The following SLC2A13 variants were observed in gnomAD, a reference collection of about 807,000 sequenced individuals.
SLC2A13 encodes proton myo-inositol cotransporter.
Under a neutral mutation model 64.4 loss-of-function variants are expected in SLC2A13, and 32 were observed. The observed-to-expected ratio is 0.50, with a 90% CI of 0.37 to 0.67. SLC2A13 has a LOEUF of 0.67. Ranked by LOEUF, SLC2A13 falls within the 30% of genes least tolerant of loss-of-function variation. The probability of loss-of-function intolerance (pLI) is 0.00; values close to 1 mark genes in which losing one functional copy is unlikely to be tolerated. For missense variants in SLC2A13, 743 were observed against 829.2 expected (o/e 0.90, Z 1.28); for synonymous variants, 338 against 327.1 (o/e 1.03, Z -0.36).
At chr12:39,986,356 G>A (rs531075033) in intron 3 of SLC2A13, among the ~76,000 whole-genome samples, 4 of 152,052 alleles carry the variant, frequency 2.6e-5, no homozygotes, top group South Asian at 2.1e-4. Context: ...TTTACTACAC[G>A]TTCACCCACC....
chr12:39,821,033 T>A (rs1942490905), intron 7 of SLC2A13, among the ~76,000 whole-genome samples: 1 of 152,022 alleles, frequency 6.6e-6, no homozygotes, highest in Non-Finnish European at 1.5e-5. Context: ...CTCATGACAT[T>A]TGGCAATTCC....
At chr12:40,051,516 G>A (rs1948253926) in intron 1 of SLC2A13, among the ~76,000 whole-genome samples, 1 of 152,156 alleles carries the variant, frequency 6.6e-6, no homozygotes, top group Non-Finnish European at 1.5e-5. Flanking sequence ...TCTGCTAGTC[G>A]AGTGGGATGG....
At chr12:40,060,837 G>A (rs952776094) in intron 1 of SLC2A13, among the ~76,000 whole-genome samples, 4 of 152,108 alleles carry the variant, frequency 2.6e-5, no homozygotes, top group Non-Finnish European at 5.9e-5. Context: ...CATAGAAAAT[G>A]ATAAAGATGT....
chr12:40,090,871 C>G (rs1938744483), intron 1 of SLC2A13, among the ~76,000 whole-genome samples: 2 of 152,096 alleles, frequency 1.3e-5, no homozygotes, highest in Non-Finnish European at 2.9e-5. Flanking sequence ...AAGTAAAAAA[C>G]TCACTGCCTC....
chr12:40,041,487 T>C (rs1948089360), intron 2 of SLC2A13, among the ~76,000 whole-genome samples: 1 of 152,232 alleles, frequency 6.6e-6, no homozygotes, highest in African/African-American at 2.4e-5. Flanking sequence ...TCATTCATCT[T>C]GGGAGCTCCC....
chr12:39,886,458 A>C (rs1281717416), intron 4 of SLC2A13, among the ~76,000 whole-genome samples: 2 of 152,200 alleles, frequency 1.3e-5, no homozygotes, highest in Non-Finnish European at 2.9e-5. Flanking sequence ...GATCTGAAGA[A>C]GAAATGCAAT....
At chr12:39,938,131 A>C (rs1945948054) in intron 4 of SLC2A13, among the ~76,000 whole-genome samples, 1 of 152,180 alleles carries the variant, frequency 6.6e-6, no homozygotes, top group African/African-American at 2.4e-5. Flanking sequence ...AAACTGCAGT[A>C]CACAGGGAGC....
chr12:39,999,641 C>T (rs147562113), intron 3 of SLC2A13, among the ~76,000 whole-genome samples: 15 of 152,340 alleles, frequency 9.8e-5, no homozygotes, highest in Admixed American at 2.6e-4. Context: ...ACGTGCACCG[C>T]TGAACATAGA....
intron 4 of SLC2A13, among the ~76,000 whole-genome samples, chr12:39,888,139 G>T (rs1197155813): frequency 6.6e-6 from 1 of 152,210 alleles, no homozygotes; most frequent in African/African-American, 2.4e-5. Context: ...TGGGCAGGCT[G>T]CTTCAAATGC....
At chr12:40,050,603 T>C (rs933021320) in intron 1 of SLC2A13, among the ~76,000 whole-genome samples, 2 of 152,222 alleles carry the variant, frequency 1.3e-5, no homozygotes, top group South Asian at 2.1e-4. Context: ...AATAATCTTA[T>C]TTAATCCTCA....
intron 1 of SLC2A13, among the ~76,000 whole-genome samples, chr12:40,054,622 T>C (rs866198130): frequency 1.3e-5 from 2 of 152,204 alleles, no homozygotes; most frequent in African/African-American, 2.4e-5. Context: ...ACCAGAAAAC[T>C]GCATCTCAGA....
chr12:39,881,537 A>T (rs1430824986), intron 4 of SLC2A13, among the ~76,000 whole-genome samples: 1 of 152,168 alleles, frequency 6.6e-6, no homozygotes, highest in Non-Finnish European at 1.5e-5. Flanking sequence ...AACAAGAAGG[A>T]GTCTAAGATT....
chr12:39,901,114 G>A (rs1313534797), intron 4 of SLC2A13, among the ~76,000 whole-genome samples: 2 of 152,176 alleles, frequency 1.3e-5, no homozygotes, highest in African/African-American at 4.8e-5. Flanking sequence ...AATAAATGGT[G>A]TGGGGAAAAC....
At chr12:39,765,694 C>T (rs901015151) in intron 7 of SLC2A13, among the ~76,000 whole-genome samples, 2 of 152,052 alleles carry the variant, frequency 1.3e-5, no homozygotes, top group Admixed American at 1.3e-4. Flanking sequence ...CTGCCACATT[C>T]ATTTATTTTT....
intron 7 of SLC2A13, among the ~76,000 whole-genome samples, chr12:39,816,696 A>G (rs1173647219): frequency 6.6e-6 from 1 of 152,006 alleles, no homozygotes; most frequent in Non-Finnish European, 1.5e-5. Context: ...TAAAAATAAA[A>G]CACTAGGATG....
At chr12:39,984,444 T>C (rs922789336) in intron 3 of SLC2A13, among the ~76,000 whole-genome samples, 2 of 152,078 alleles carry the variant, frequency 1.3e-5, no homozygotes, top group African/African-American at 4.8e-5. Context: ...AAGTTAAATG[T>C]TTTTCATTTA....
At chr12:39,875,665 A>G (rs1944164899) in intron 4 of SLC2A13, among the ~76,000 whole-genome samples, 1 of 152,232 alleles carries the variant, frequency 6.6e-6, no homozygotes, top group South Asian at 2.1e-4. Flanking sequence ...TCAGTTCTAG[A>G]AAAATCAGGC....
intron 7 of SLC2A13, among the ~76,000 whole-genome samples, chr12:39,814,360 A>G (rs763870716): frequency 1.3e-5 from 2 of 152,184 alleles, no homozygotes; most frequent in Non-Finnish European, 2.9e-5. Context: ...ACTAGCCTAA[A>G]CTTTTTCCAA....
chr12:39,900,855 A>T (rs1945077493), intron 4 of SLC2A13, among the ~76,000 whole-genome samples: 1 of 152,202 alleles, frequency 6.6e-6, no homozygotes, highest in Non-Finnish European at 1.5e-5. Context: ...GTTCATATGC[A>T]ACCAAAAAAG....
Sources: gnomAD v4.1 joint callset for allele counts (sites outside exome capture counted in the v4.1 genomes callset) on GRCh38, gnomAD v4.1.1 for gene constraint, MANE v1.5 for transcripts, NCBI Gene and HGNC (gene_info 2026-07-23, HGNC 2026-07-21) for gene names.